RBFOX1: variants seen among roughly 807,000 people sequenced by gnomAD.
RBFOX1 encodes the protein RNA binding protein fox-1 homolog 1.
Under a neutral mutation model 57.7 loss-of-function variants are expected in RBFOX1, and 8 were observed. The ratio of observed to expected loss-of-function variants is 0.14; its 90% confidence interval spans 0.08 to 0.25. The LOEUF (loss-of-function observed/expected upper bound fraction) is 0.25. RBFOX1 is among the 10% of genes least tolerant of loss of function. The pLI, the probability that RBFOX1 is intolerant of heterozygous loss-of-function variation, is 1.00. For synonymous variants in RBFOX1, 326 were observed against 222.4 expected, an observed-to-expected ratio of 1.47 and a Z score of -4.15; for missense variants, 611 against 548.5, an observed-to-expected ratio of 1.11 and a Z score of -1.14.
chr16:6,871,520 C>T (rs995249621), intron 3 of RBFOX1, among the ~76,000 whole-genome samples: 2 of 152,056 alleles, frequency 1.3e-5, no homozygotes, highest in Admixed American at 6.6e-5. Flanking sequence ...TCTCCCTTAT[C>T]CCTCATGCCC....
chr16:6,789,539 A>T (rs1420941716), intron 3 of RBFOX1, among the ~76,000 whole-genome samples: 3 of 152,190 alleles, frequency 2.0e-5, no homozygotes, highest in Admixed American at 6.5e-5. Context: ...ATTTAAGCAA[A>T]TTATTGCACT....
intron 2 of RBFOX1, among the ~76,000 whole-genome samples, chr16:5,596,071 C>A (rs530205960): frequency 2.4e-4 from 36 of 152,252 alleles, no homozygotes; most frequent in African/African-American, 8.4e-4. Context: ...CACCAGGCCT[C>A]TGGGACCTCA....
chr16:7,343,534 A>T (rs376172113), intron 4 of RBFOX1, among the ~76,000 whole-genome samples: 1 of 152,198 alleles, frequency 6.6e-6, no homozygotes, highest in Non-Finnish European at 1.5e-5. Flanking sequence ...TACTTCCGTC[A>T]TATTCTTGGA....
intron 3 of RBFOX1, among the ~76,000 whole-genome samples, chr16:5,770,041 T>A (rs2053925882): frequency 6.6e-6 from 1 of 152,148 alleles, no homozygotes; most frequent in Admixed American, 6.5e-5. Flanking sequence ...TAGAGAAGAT[T>A]TACTGTGGAG....
chr16:7,180,598 C>A (rs917363149), intron 4 of RBFOX1, among the ~76,000 whole-genome samples: 2 of 151,754 alleles, frequency 1.3e-5, no homozygotes, highest in Admixed American at 1.3e-4. Flanking sequence ...CTTCCCTTTT[C>A]TGTAAAAGGT....
chr16:5,423,845 A>G (rs1032262783), intron 1 of RBFOX1, among the ~76,000 whole-genome samples: 2 of 152,124 alleles, frequency 1.3e-5, no homozygotes, highest in African/African-American at 4.8e-5. Flanking sequence ...CTCGAGCTCC[A>G]GTGGCCAGGC....
At chr16:6,763,167 T>G (rs1394810706) in intron 3 of RBFOX1, among the ~76,000 whole-genome samples, 1 of 152,242 alleles carries the variant, frequency 6.6e-6, no homozygotes, top group Non-Finnish European at 1.5e-5. Flanking sequence ...AATTTATCTT[T>G]GCTAACCTAA....
chr16:6,746,002 C>G (rs1045175545), intron 3 of RBFOX1, among the ~76,000 whole-genome samples: 2 of 152,050 alleles, frequency 1.3e-5, no homozygotes, highest in Non-Finnish European at 2.9e-5. Context: ...GAAATTAAAG[C>G]TTAAAAATAT....
intron 3 of RBFOX1, among the ~76,000 whole-genome samples, chr16:6,830,380 T>C (rs1001956378): frequency 1.3e-5 from 2 of 152,202 alleles, no homozygotes; most frequent in Non-Finnish European, 2.9e-5. Context: ...TTCCAGTTTA[T>C]CTTTGAATTT....
intron 1 of RBFOX1, among the ~76,000 whole-genome samples, chr16:5,455,023 C>CTTTCTT (rs1216518795): frequency 1.1e-4 from 12 of 111,760 alleles, no homozygotes; most frequent in African/African-American, 2.2e-4. Context: ...TTCTTTCTTT[C>CTTTCTT]TCTCTCTCTG....
chr16:6,841,489 A>T (rs944880766), intron 3 of RBFOX1, among the ~76,000 whole-genome samples: 1 of 152,154 alleles, frequency 6.6e-6, no homozygotes, highest in Non-Finnish European at 1.5e-5. Context: ...GGGGAGAGTC[A>T]TTAATGCGGT....
intron 1 of RBFOX1, among the ~76,000 whole-genome samples, chr16:6,081,823 T>C (rs1023647060): frequency 1.3e-5 from 2 of 152,170 alleles, no homozygotes; most frequent in African/African-American, 4.8e-5. Context: ...TCCAGCTACC[T>C]GCAGCTACGC....
intron 5 of RBFOX1, among the ~76,000 whole-genome samples, chr16:7,557,571 G>C (rs1447503301): frequency 8.7e-6 from 1 of 115,300 alleles, no homozygotes; most frequent in African/African-American, 3.4e-5. Context: ...AGTGAGCCAA[G>C]ACTGTACCAC....
intron 4 of RBFOX1, among the ~76,000 whole-genome samples, chr16:7,386,735 A>G (rs2097889343): frequency 6.6e-6 from 1 of 152,156 alleles, no homozygotes; most frequent in Non-Finnish European, 1.5e-5. Flanking sequence ...TCCTTTGGGT[A>G]TATATCCAGT....
chr16:7,459,720 A>G (rs1567281112), intron 4 of RBFOX1, among the ~76,000 whole-genome samples: 1 of 152,240 alleles, frequency 6.6e-6, no homozygotes, highest in Non-Finnish European at 1.5e-5. Context: ...ACCTGGAAAT[A>G]GCACCAGAAA....
At chr16:7,150,867 C>G (rs2075976467) in intron 4 of RBFOX1, among the ~76,000 whole-genome samples, 1 of 152,192 alleles carries the variant, frequency 6.6e-6, no homozygotes, top group South Asian at 2.1e-4. Context: ...CCTGCTTACA[C>G]CACATTATAA....
intron 4 of RBFOX1, among the ~76,000 whole-genome samples, chr16:7,256,625 G>C (rs1274482579): frequency 6.6e-6 from 1 of 152,082 alleles, no homozygotes; most frequent in East Asian, 1.9e-4. Flanking sequence ...ACAAACCAAA[G>C]TCATATCTAA....
rs11865701 is a variant in RBFOX1 at position 5,699,977 on chromosome 16, C to T, written c.318+101016C>T. On this transcript the variant is annotated intron_variant, in intron 3 of 19. Transcript: ENST00000641259. The stretch of plus-strand genomic sequence containing the variant: ...CCTCCTGAGTAGCTGGGACTACAGG[C>T]GCCCGCCACCACGCCCGGCTAATTT... Among the ~76,000 whole-genome samples, 1,342 of 152,152 alleles carry T rather than the reference C, an allele frequency of 8.8e-3. 29 individuals carry two copies. Among genetic ancestry groups the T allele is most frequent in the African/African-American group, 0.031 (1,273 of 41,506 alleles).
intron 1 of RBFOX1, among the ~76,000 whole-genome samples, chr16:6,260,216 C>A (rs1172693695): frequency 1.3e-5 from 2 of 152,174 alleles, no homozygotes; most frequent in African/African-American, 2.4e-5. Context: ...TGGTCCCTGA[C>A]AATTGATATA....
Sources: gnomAD v4.1 joint callset for allele counts (sites outside exome capture counted in the v4.1 genomes callset) on GRCh38, gnomAD v4.1.1 for gene constraint, MANE v1.5 for transcripts, NCBI Gene and HGNC (gene_info 2026-07-23, HGNC 2026-07-21) for gene names.